Variants in LTBP1 observed in about 807,000 individuals in gnomAD.
LTBP1 encodes latent-transforming growth factor beta-binding protein 1.
In LTBP1, 129 loss-of-function variants were observed where a neutral mutation model predicts 207.6. The observed-to-expected ratio is 0.62, with a 90% confidence interval of 0.54 to 0.72. LTBP1 has a LOEUF of 0.72. LTBP1 is among the 30% of genes least tolerant of loss of function. LTBP1 has a pLI of 0.00. For missense variants in LTBP1, 2,281 were observed against 2,217.2 expected, an observed-to-expected ratio of 1.03 and a Z score of -0.58; for synonymous variants, 963 against 833.7, an observed-to-expected ratio of 1.16 and a Z score of -2.67.
chr2:33,223,995 T>C (rs1321315434), intron 9 of LTBP1, among the ~76,000 whole-genome samples: 1 of 152,214 alleles, frequency 6.6e-6, no homozygotes, highest in African/African-American at 2.4e-5. Context: ...CTAAAACTTA[T>C]GTGAAAGGCT....
chr2:33,264,622 G>A (rs1420925344), intron 15 of LTBP1, among the ~76,000 whole-genome samples: 2 of 152,162 alleles, frequency 1.3e-5, no homozygotes, highest in African/African-American at 2.4e-5. Context: ...CAAGAAGCAT[G>A]TAACAGAAAA....
chr2:33,057,910 C>T (rs567724268), intron 3 of LTBP1, among the ~76,000 whole-genome samples: 36 of 152,356 alleles, frequency 2.4e-4, no homozygotes, highest in South Asian at 4.1e-4. Flanking sequence ...TCCTCAAGCA[C>T]GGCCAGAATG....
At chr2:33,270,832 T>G (rs1488743107) in intron 15 of LTBP1, among the ~76,000 whole-genome samples, 1 of 152,196 alleles carries the variant, frequency 6.6e-6, no homozygotes, top group Non-Finnish European at 1.5e-5. Flanking sequence ...GTTCAGCGTT[T>G]GCAAGCCACG....
chr2:33,329,575 G>T (rs1290091985), intron 24 of LTBP1, among the ~76,000 whole-genome samples: 1 of 152,018 alleles, frequency 6.6e-6, no homozygotes, highest in Non-Finnish European at 1.5e-5. Context: ...CATATGGTGA[G>T]AAATAGGGGT....
In LTBP1 at chr2:33,206,523, G is replaced by C. The variant is rs1310406191; in HGVS notation, c.1702-11029G>C. Among the ~76,000 whole-genome samples, 9 of 152,120 alleles carry C rather than the reference G, an allele frequency of 5.9e-5. No homozygotes were observed. In the South Asian group the frequency reaches 1.0e-3, roughly 18 times the overall value. On this transcript the variant is annotated intron_variant, in intron 7 of 33. Coordinates refer to ENST00000404816, the MANE Select transcript of LTBP1 (RefSeq NM_206943.4). ...TGGGAGGCCGAGGCGGGCGGATCAC[G>C]AGGTTAGGAGATCGAGACCATCCTG...
At chr2:33,176,597 C>T (rs1455968294) in intron 5 of LTBP1, among the ~76,000 whole-genome samples, 1 of 152,100 alleles carries the variant, frequency 6.6e-6, no homozygotes, top group Non-Finnish European at 1.5e-5. Context: ...TTTGGAAATT[C>T]ATCTGTTGAT....
intron 2 of LTBP1, among the ~76,000 whole-genome samples, chr2:32,960,213 C>G: frequency 6.6e-6 from 1 of 150,752 alleles, no homozygotes; most frequent in East Asian, 2.1e-4. Context: ...CATCACACAA[C>G]TTCATTCATG....
intron 3 of LTBP1, among the ~76,000 whole-genome samples, chr2:33,095,770 G>A (rs1030292492): frequency 3.9e-5 from 6 of 152,032 alleles, no homozygotes; most frequent in Non-Finnish European, 8.8e-5. Context: ...TAAAAAACAG[G>A]TGGAAGTTTG....
intron 3 of LTBP1, among the ~76,000 whole-genome samples, chr2:33,090,487 G>A (rs11886321): frequency 0.21 from 31,548 of 152,114 alleles, 3,531 homozygotes; most frequent in East Asian, 0.34. Context: ...ACTGAATGCC[G>A]AGTGTGTGTT....
At chr2:33,255,861 A>G (rs1169500125) in intron 11 of LTBP1, among the ~76,000 whole-genome samples, 4 of 152,194 alleles carry the variant, frequency 2.6e-5, no homozygotes, top group Admixed American at 6.5e-5. Context: ...CTTATTTTAT[A>G]TTCAATTTTA....
intron 4 of LTBP1, among the ~76,000 whole-genome samples, chr2:33,119,507 T>C (rs1455933832): frequency 6.6e-6 from 1 of 152,188 alleles, no homozygotes; most frequent in East Asian, 1.9e-4. Context: ...AATGACTGCA[T>C]TGGAGTAAGT....
intron 15 of LTBP1, among the ~76,000 whole-genome samples, chr2:33,272,552 T>C (rs116831408): frequency 0.015 from 2,305 of 152,348 alleles, 32 homozygotes; most frequent in Non-Finnish European, 0.024. Flanking sequence ...TGAGCACATA[T>C]AATATGCCAG....
intron 22 of LTBP1, among the ~76,000 whole-genome samples, chr2:33,305,972 T>G (rs570821603): frequency 6.6e-6 from 1 of 152,314 alleles, no homozygotes; most frequent in South Asian, 2.1e-4. Flanking sequence ...ATGACAGTGA[T>G]TCACTGTTCC....
At chr2:32,952,810 AAG>A (rs2148269824) in intron 2 of LTBP1, among the ~76,000 whole-genome samples, 1 of 152,296 alleles carries the variant, frequency 6.6e-6, no homozygotes, top group Non-Finnish European at 1.5e-5. Context: ...AAAAGAATGA[AAG>A]AGAGGAGAGT....
chr2:33,364,197 A>G lies in LTBP1; in HGVS notation c.4400-19A>G. The G allele has an allele frequency of 5.0e-6, 8 of 1,610,808 alleles. No homozygotes were observed. Among genetic ancestry groups the G allele is most frequent in the Non-Finnish European group, 6.8e-6 (8 of 1,178,724 alleles). On this transcript the variant is annotated intron_variant, in intron 29 of 33. Coordinates refer to ENST00000404816, the MANE Select transcript of LTBP1 (RefSeq NM_206943.4). ...CTGATGGCTGATTTTCTTTAGTAAT[A>G]CTTTTTTTTGCTCTTAAGATATGGA...
At chr2:33,214,223 G>A (rs2090521422) in intron 7 of LTBP1, among the ~76,000 whole-genome samples, 1 of 152,146 alleles carries the variant, frequency 6.6e-6, no homozygotes, top group Non-Finnish European at 1.5e-5. Flanking sequence ...CAACGGTGGG[G>A]ACCTCTGTGT....
chr2:33,313,214 A>C (rs1052196089), intron 23 of LTBP1, among the ~76,000 whole-genome samples: 1 of 152,220 alleles, frequency 6.6e-6, no homozygotes, highest in Non-Finnish European at 1.5e-5. Context: ...AGAATAGGAG[A>C]ATTGTTAAGA....
chr2:33,091,525 T>C (rs218185), intron 3 of LTBP1, among the ~76,000 whole-genome samples: 148,560 of 152,232 alleles, frequency 0.98, 72,570 homozygotes, highest in East Asian at 1. Flanking sequence ...CTATTCTCTG[T>C]TCTCTCTTTT....
intron 3 of LTBP1, among the ~76,000 whole-genome samples, chr2:33,040,490 A>T (rs1280356379): frequency 6.6e-6 from 1 of 152,150 alleles, no homozygotes; most frequent in African/African-American, 2.4e-5. Flanking sequence ...AAGAAGAGGG[A>T]TGTGCCTTTT....
Sources: gnomAD v4.1 joint callset for allele counts (sites outside exome capture counted in the v4.1 genomes callset) on GRCh38, gnomAD v4.1.1 for gene constraint, MANE v1.5 for transcripts, NCBI Gene and HGNC (gene_info 2026-07-23, HGNC 2026-07-21) for gene names.